Variants in RARB observed in about 807,000 individuals in gnomAD.
RARB encodes HBV-activated protein.
Under a neutral mutation model 51.9 loss-of-function variants are expected in RARB, and 17 were observed. The ratio of observed to expected loss-of-function variants is 0.33; its 90% CI spans 0.22 to 0.49. The LOEUF (loss-of-function observed/expected upper bound fraction) is 0.49, where lower values mean the gene tolerates loss of function less well. Among genes scored for constraint, RARB ranks in the 20% least tolerant of loss-of-function variants. The probability of loss-of-function intolerance (pLI) is 0.99; values close to 1 mark genes in which losing one functional copy is unlikely to be tolerated. For missense variants in RARB, 369 were observed against 550.8 expected, an observed-to-expected ratio of 0.67 and a Z score of 3.30; for synonymous variants, 215 against 195.4, an observed-to-expected ratio of 1.10 and a Z score of -0.84.
chr3:25,369,838 C>T (rs1442916819), intron 5 of RARB, among the ~76,000 whole-genome samples: 1 of 152,084 alleles, frequency 6.6e-6, no homozygotes, highest in African/African-American at 2.4e-5. Context: ...AGGAGAATCG[C>T]TTGAACCCGG....
intron 2 of RARB, among the ~76,000 whole-genome samples, chr3:24,972,455 G>A (rs1199714452): frequency 6.6e-6 from 1 of 152,062 alleles, no homozygotes; most frequent in Non-Finnish European, 1.5e-5. Flanking sequence ...AAACATTGCA[G>A]TAGAGATATT....
chr3:25,112,632 G>A (rs1021635140), intron 3 of RARB, among the ~76,000 whole-genome samples: 1 of 151,986 alleles, frequency 6.6e-6, no homozygotes, highest in African/African-American at 2.4e-5. Flanking sequence ...AAAAAAATTA[G>A]TTGAGCATGG....
chr3:25,304,709 C>A (rs1704117509), intron 5 of RARB, among the ~76,000 whole-genome samples: 1 of 152,150 alleles, frequency 6.6e-6, no homozygotes, highest in Non-Finnish European at 1.5e-5. Flanking sequence ...TAATTAGTTT[C>A]CTTGCTCCCA....
At chr3:25,011,763 T>C (rs995723914) in intron 2 of RARB, among the ~76,000 whole-genome samples, 1 of 152,162 alleles carries the variant, frequency 6.6e-6, no homozygotes, top group Non-Finnish European at 1.5e-5. Flanking sequence ...CTTAGTGGAC[T>C]TTATAATCCA....
intron 3 of RARB, among the ~76,000 whole-genome samples, chr3:25,514,366 T>A (rs1698053410): frequency 6.6e-6 from 1 of 152,218 alleles, no homozygotes; most frequent in South Asian, 2.1e-4. Flanking sequence ...ATGAATTAGA[T>A]TAATGAAGAC....
At chr3:24,845,971 G>T (rs982720210) in intron 1 of RARB, among the ~76,000 whole-genome samples, 2 of 152,174 alleles carry the variant, frequency 1.3e-5, no homozygotes, top group Non-Finnish European at 2.9e-5. Flanking sequence ...ATACCTCTGC[G>T]AGAGGCAGAG....
intron 2 of RARB, among the ~76,000 whole-genome samples, chr3:25,498,600 CAT>C (rs1697151699): frequency 6.6e-6 from 1 of 152,186 alleles, no homozygotes; most frequent in African/African-American, 2.4e-5. Flanking sequence ...CAATTAGTGA[CAT>C]AAAGTTCTTT....
chr3:25,341,262 AG>A (rs1448045294), intron 5 of RARB, among the ~76,000 whole-genome samples: 1 of 152,220 alleles, frequency 6.6e-6, no homozygotes. Flanking sequence ...AAAGAAGTAC[AG>A]AGGCTGTCCA....
At chr3:25,223,513 A>G (rs1701991955) in intron 5 of RARB, among the ~76,000 whole-genome samples, 1 of 152,188 alleles carries the variant, frequency 6.6e-6, no homozygotes, top group African/African-American at 2.4e-5. Flanking sequence ...TACAATGACA[A>G]GCTTGAAAGC....
At chr3:25,115,112 A>T (rs998717890) in intron 3 of RARB, among the ~76,000 whole-genome samples, 1 of 152,138 alleles carries the variant, frequency 6.6e-6, no homozygotes, top group Non-Finnish European at 1.5e-5. Context: ...TATCCAATGC[A>T]TTGGCTTCAT....
chr3:25,364,038 C>G (rs1267538675), intron 5 of RARB, among the ~76,000 whole-genome samples: 1 of 152,160 alleles, frequency 6.6e-6, no homozygotes, highest in East Asian at 1.9e-4. Context: ...TTTCAATGCC[C>G]TCTCCTAGCA....
At chr3:25,325,661 T>C (rs1025169521) in intron 5 of RARB, among the ~76,000 whole-genome samples, 4 of 152,066 alleles carry the variant, frequency 2.6e-5, no homozygotes, top group African/African-American at 9.6e-5. Context: ...TGCTTGTCTG[T>C]TGAGTTGTGT....
intron 2 of RARB, among the ~76,000 whole-genome samples, chr3:25,008,866 C>T (rs748709644): frequency 1.3e-5 from 2 of 152,050 alleles, no homozygotes; most frequent in African/African-American, 4.8e-5. Context: ...CAATGGCAAC[C>T]TCTTTTGTAT....
chr3:25,131,310 C>T (rs1455688619), intron 3 of RARB, among the ~76,000 whole-genome samples: 1 of 152,030 alleles, frequency 6.6e-6, no homozygotes, highest in Non-Finnish European at 1.5e-5. Flanking sequence ...TAGCTGGAGT[C>T]ATTCGCTCTT....
In RARB at chr3:25,487,182, G is replaced by A. The variant is rs180770700; in HGVS notation, c.307-14000G>A. 7.0e-4 allele frequency among the ~76,000 whole-genome samples: 106 copies of A among 152,260 alleles called. 1 individual carries two copies. Among genetic ancestry groups the A allele is most frequent in the Middle Eastern group, 3.4e-3 (1 of 294 alleles). ...GCTACCCTCAGTCGCGTTTGACACA[G>A]TAATAGACACACATTACAGACGTAA... On this transcript the variant is annotated intron_variant, in intron 2 of 7. Coordinates refer to ENST00000330688, the MANE Select transcript of RARB (RefSeq NM_000965.5).
intron 4 of RARB, among the ~76,000 whole-genome samples, chr3:25,137,294 A>G (rs996540190): frequency 6.6e-6 from 1 of 152,062 alleles, no homozygotes; most frequent in Non-Finnish European, 1.5e-5. Flanking sequence ...CATTTCTTAC[A>G]TAGGACAGAG....
chr3:25,131,608 A>G (rs1699955118), intron 3 of RARB, among the ~76,000 whole-genome samples: 1 of 152,026 alleles, frequency 6.6e-6, no homozygotes, highest in Admixed American at 6.6e-5. Context: ...ATATATACAT[A>G]TATTTGTAAA....
At chr3:25,025,388 G>A (rs1320434983) in intron 2 of RARB, among the ~76,000 whole-genome samples, 4 of 152,138 alleles carry the variant, frequency 2.6e-5, no homozygotes, top group Admixed American at 2.0e-4. Flanking sequence ...TCTATATTGT[G>A]TCAAACTAAA....
intron 5 of RARB, among the ~76,000 whole-genome samples, chr3:25,258,493 T>G (rs2125405571): frequency 6.6e-6 from 1 of 152,198 alleles, no homozygotes; most frequent in Middle Eastern, 3.4e-3. Context: ...GGGTAAAGAA[T>G]TAGTCAACAC....
Sources: allele counts gnomAD v4.1 joint callset (sites outside exome capture counted in the v4.1 genomes callset), GRCh38; gene constraint gnomAD v4.1.1; transcripts MANE v1.5; gene names NCBI Gene and HGNC (gene_info 2026-07-23, HGNC 2026-07-21).